Variants in IL1RAPL2 observed in about 807,000 individuals in gnomAD.
IL1RAPL2 encodes the protein interleukin 1 receptor accessory protein like 2.
In IL1RAPL2, 3 loss-of-function variants were observed where a neutral mutation model predicts 44.1. The observed-to-expected ratio is 0.07, with a 90% CI of 0.03 to 0.18. The LOEUF (loss-of-function observed/expected upper bound fraction) is 0.18. IL1RAPL2 is among the 10% of genes least tolerant of loss of function. The pLI, the probability that IL1RAPL2 is intolerant of heterozygous loss-of-function variation, is 1.00. For synonymous variants in IL1RAPL2, 181 were observed against 178.8 expected (o/e 1.01, Z -0.10); for missense variants, 391 against 496.4 (o/e 0.79, Z 2.02).
At chrX:104,650,974 T>C (rs190719095) in intron 1 of IL1RAPL2, among the ~76,000 whole-genome samples, 1 of 111,763 alleles carries the variant, frequency 8.9e-6, no homozygotes, top group Admixed American at 9.6e-5. Flanking sequence ...AAATGGAGAT[T>C]ATAGTAACTC....
intron 5 of IL1RAPL2, among the ~76,000 whole-genome samples, chrX:105,447,708 A>G (rs1442710760): frequency 1.2e-5 from 1 of 84,481 alleles, no homozygotes; most frequent in Non-Finnish European, 2.1e-5. Context: ...ATATAAATAT[A>G]TTAAAAATAT....
intron 1 of IL1RAPL2, among the ~76,000 whole-genome samples, chrX:104,577,228 G>A (rs929731201): frequency 5.3e-5 from 6 of 112,304 alleles, no homozygotes; most frequent in African/African-American, 1.9e-4. Flanking sequence ...AGTAGCAGTA[G>A]TTGGGAAGGA....
intron 5 of IL1RAPL2, among the ~76,000 whole-genome samples, chrX:105,420,087 T>C (rs779737160): frequency 9.1e-6 from 1 of 109,455 alleles, no homozygotes; most frequent in Non-Finnish European, 1.9e-5. Flanking sequence ...TTCTTCTGAG[T>C]ACAACAGATA....
At chrX:105,073,209 A>G (rs542808745) in intron 2 of IL1RAPL2, among the ~76,000 whole-genome samples, 24 of 48,966 alleles carry the variant, frequency 4.9e-4, no homozygotes, top group African/African-American at 1.8e-3. Context: ...CCCACCCCAC[A>G]ACAGGCCCCA....
chrX:105,132,496 C>T (rs2033037976), intron 2 of IL1RAPL2, among the ~76,000 whole-genome samples: 1 of 110,437 alleles, frequency 9.1e-6, no homozygotes, highest in African/African-American at 3.3e-5. Flanking sequence ...GGAAAAAAAA[C>T]ACAAGAACAA....
chrX:104,664,953 C>T (rs1363054970), intron 2 of IL1RAPL2, among the ~76,000 whole-genome samples: 1 of 111,077 alleles, frequency 9.0e-6, no homozygotes, highest in African/African-American at 3.3e-5. Flanking sequence ...TACTAAAGTA[C>T]AAGATATTTT....
intron 2 of IL1RAPL2, among the ~76,000 whole-genome samples, chrX:105,094,501 A>ATG (rs200468589): frequency 0.065 from 7,269 of 111,270 alleles, 615 homozygotes; most frequent in African/African-American, 0.22. Context: ...ATAAATGTGT[A>ATG]TGTGTGTGTG....
At chrX:105,701,432 G>T (rs1219866204) in intron 6 of IL1RAPL2, among the ~76,000 whole-genome samples, 1 of 111,647 alleles carries the variant, frequency 9.0e-6, no homozygotes, top group Non-Finnish European at 1.9e-5. Context: ...CAGGTACAAA[G>T]AGTATTTATT....
At chrX:104,614,627 A>G (rs1929231649) in intron 1 of IL1RAPL2, among the ~76,000 whole-genome samples, 1 of 111,899 alleles carries the variant, frequency 8.9e-6, no homozygotes, top group Non-Finnish European at 1.9e-5. Context: ...GGGGTGTTGA[A>G]GTTCCACACT....
At chrX:104,674,735 T>G (rs1930706200) in intron 2 of IL1RAPL2, among the ~76,000 whole-genome samples, 1 of 109,958 alleles carries the variant, frequency 9.1e-6, no homozygotes, top group African/African-American at 3.3e-5. Context: ...CCTGGACTCT[T>G]TTTGGTTGGT....
chrX:104,611,140 C>T (rs1929147813), intron 1 of IL1RAPL2, among the ~76,000 whole-genome samples: 1 of 111,741 alleles, frequency 8.9e-6, no homozygotes, highest in Admixed American at 9.5e-5. Flanking sequence ...GGGGTTCAGG[C>T]ACCCACTTGA....
At chrX:104,792,885 G>A (rs1344388898) in intron 2 of IL1RAPL2, among the ~76,000 whole-genome samples, 1 of 112,043 alleles carries the variant, frequency 8.9e-6, no homozygotes, top group East Asian at 2.8e-4. Flanking sequence ...TCCATCCATT[G>A]ATAAAGAAAT....
chrX:104,715,249 T>G (rs1174657798), intron 2 of IL1RAPL2, among the ~76,000 whole-genome samples: 1 of 109,649 alleles, frequency 9.1e-6, no homozygotes, highest in Non-Finnish European at 1.9e-5. Context: ...TTATACCCAG[T>G]TTTCTTGTTT....
At chrX:104,664,918 C>A (rs1323321829) in intron 2 of IL1RAPL2, among the ~76,000 whole-genome samples, 1 of 111,058 alleles carries the variant, frequency 9.0e-6, no homozygotes, top group African/African-American at 3.3e-5. Flanking sequence ...AATGTCTACA[C>A]CAAAACCACT....
At chrX:105,725,341 C>A in intron 7 of IL1RAPL2, among the ~76,000 whole-genome samples, 1 of 111,721 alleles carries the variant, frequency 9.0e-6, no homozygotes. Context: ...TACTAAAATG[C>A]AAATAATTTT....
At position 105,767,376 on chromosome X, in the gene IL1RAPL2, T is replaced by A; in HGVS notation, c.1776T>A (p.Thr592=). The A allele has an allele frequency of 1.7e-6, 2 of 1,211,730 alleles. No homozygotes were observed. The highest frequency in any genetic ancestry group is 3.5e-5 in the South Asian group (2 of 56,987). ...TACCCTCTATTGCCATGACCAGTAC[T>A]TCAGCCACTCTGGTGTCATCTCAGG... The part of the protein sequence containing the change: ...QPIPSIAMTS[T]SATLVSSQAD... Residue 592 remains threonine, a synonymous_variant, in exon 11 of 11, where the codon ACT becomes ACA. Transcript: ENST00000372582.
At chrX:105,025,193 T>G (rs935472464) in intron 2 of IL1RAPL2, among the ~76,000 whole-genome samples, 3 of 111,418 alleles carry the variant, frequency 2.7e-5, no homozygotes, top group African/African-American at 9.8e-5. Context: ...TCAAAATACT[T>G]TTTCTAGTTC....
In IL1RAPL2 at chrX:105,490,551, A is replaced by G. The variant is rs771102104; in HGVS notation, c.772+6164A>G. On this transcript the variant is annotated intron_variant, in intron 6 of 10. Transcript: ENST00000372582. ...ACTGAAAATTATATCAGATCCCTTAAGAGACCAGTGTAAAAGACTCTACAA... is the reference window on the plus strand; with the variant it reads ...ACTGAAAATTATATCAGATCCCTTAGGAGACCAGTGTAAAAGACTCTACAA... 2.7e-5 allele frequency among the ~76,000 whole-genome samples: 3 copies of G among 112,133 alleles called. No individual in the cohort carries two copies. In the South Asian group the frequency reaches 1.1e-3, roughly 41 times the overall value.
intron 2 of IL1RAPL2, among the ~76,000 whole-genome samples, chrX:105,060,987 A>C (rs781532626): frequency 3.3e-4 from 37 of 110,953 alleles, no homozygotes; most frequent in Non-Finnish European, 5.9e-4. Context: ...TACTTTCAAA[A>C]AGCCAGCTTT....
Sources: gnomAD v4.1 joint callset for allele counts (sites outside exome capture counted in the v4.1 genomes callset) on GRCh38, gnomAD v4.1.1 for gene constraint, MANE v1.5 for transcripts, NCBI Gene and HGNC (gene_info 2026-07-23, HGNC 2026-07-21) for gene names.